Variants in COL28A1 observed in about 807,000 individuals in gnomAD.
COL28A1 encodes collagen alpha-1(XXVIII) chain.
In COL28A1, 161 loss-of-function variants were observed where a neutral mutation model predicts 150.2. The ratio of observed to expected loss-of-function variants is 1.07; its 90% CI spans 0.94 to 1.22. The LOEUF (loss-of-function observed/expected upper bound fraction) is 1.22. COL28A1 is among the 50% of genes most tolerant of loss of function. The probability of loss-of-function intolerance (pLI) is 0.00; values close to 1 mark genes in which losing one functional copy is unlikely to be tolerated. For synonymous variants in COL28A1, 552 were observed against 469.7 expected (o/e 1.18, Z -2.26); for missense variants, 1,617 against 1,388.3 (o/e 1.16, Z -2.62).
At chr7:7,541,056 T>G in the COL28A1 span, among the ~76,000 whole-genome samples, 1 of 152,212 alleles carries the variant, frequency 6.6e-6, no homozygotes, top group Non-Finnish European at 1.5e-5. Context: ...TTAAAATAAC[T>G]CTTCTAAATT....
At chr7:7,537,040 C>A (rs997601619), upstream of COL28A1, among the ~76,000 whole-genome samples, 6 of 152,136 alleles carry the variant, frequency 3.9e-5, no homozygotes, top group African/African-American at 1.4e-4. Context: ...ATCACTAAAC[C>A]TCTAAATACT....
chr7:7,443,442 G>C (rs1785972742), intron 20 of COL28A1, 143 bp downstream of exon 20: 1 of 1,257,934 alleles, frequency 7.9e-7, no homozygotes, highest in African/African-American at 1.6e-5. Context: ...TCTTCCAAAA[G>C]CTTCCAAGAC....
rs202139985 is a variant in COL28A1, at chr7:7,444,473, A to G, written c.1526T>C (p.Ile509Thr). The G allele has an allele frequency of 4.8e-5, 78 of 1,613,796 alleles. No individual in the cohort carries two copies. Among genetic ancestry groups the G allele is most frequent in the East Asian group, 2.2e-4 (10 of 44,876 alleles). ...TACTCCTGGTTGTCCTGGGAGCCCT[A>G]TTGAGCCTGGCTCTCCCTGGTGAAT... ...VQGPKGEPGS[I>T]GLPGQPGVPG... The change falls in exon 19 of 35, where the codon ATA becomes ACA. Residue 509 changes from isoleucine (I) to threonine (T), a missense_variant. By Grantham distance (89) the Ile-to-Thr change is moderately conservative (BLOSUM62 -1). Transcript: ENST00000399429.
At position 7,373,204 on chromosome 7, in the gene COL28A1, A is replaced by T. The variant is rs1781329053; in HGVS notation, c.2702T>A (p.Val901Asp). The change falls in exon 32 of 35, where the codon GTC becomes GAC. Residue 901 changes from valine (V) to aspartate (D), a missense_variant. Val to Asp is a radical substitution (Grantham distance 152). Transcript: ENST00000399429. This position sits in a 1 kb window ranked among gnomAD's most constrained non-coding sequence, Gnocchi z 4.1. The stretch of plus-strand genomic sequence containing the variant: ...AGAATCTGTCTGTCCATCAGTGATG[A>T]CCAAGGCCACTTTTTTTACACCTGG... ...ARPGVKKVAL[V>D]ITDGQTDSRD... 3.7e-6 allele frequency: 6 copies of T among 1,614,162 alleles called. No individual in the cohort carries two copies. The highest frequency in any genetic ancestry group is 5.1e-6 in the Non-Finnish European group (6 of 1,180,036).
rs996804403 is a variant in COL28A1, at chr7:7,373,916, G to C, written c.2360-370C>G. 1.3e-4 allele frequency among the ~76,000 whole-genome samples: 19 copies of C among 150,666 alleles called. No homozygotes were observed. Among genetic ancestry groups the C allele is most frequent in the Non-Finnish European group, 1.8e-4 (12 of 67,728 alleles). On this transcript the variant is annotated intron_variant, in intron 31 of 34. Transcript: ENST00000399429. This position sits in a 1 kb window ranked among gnomAD's most constrained non-coding sequence, Gnocchi z 4.1. ...GGGTTTCACCGTGTTAGCCAAGATG[G>C]TCTCGATCTCCTGACCTCGTGATAT...
chr7:7,354,183 G>A (rs1044503508), downstream of COL28A1, among the ~76,000 whole-genome samples: 1 of 151,990 alleles, frequency 6.6e-6, no homozygotes, highest in Non-Finnish European at 1.5e-5. Flanking sequence ...TTGTAGAGAT[G>A]GAGTTTTCCC....
At chr7:7,543,543 T>C in the COL28A1 span, among the ~76,000 whole-genome samples, 1 of 152,168 alleles carries the variant, frequency 6.6e-6, no homozygotes, top group South Asian at 2.1e-4. Flanking sequence ...AAAGTCCTAC[T>C]ATGTCAGATT....
At position 7,358,798 on chromosome 7, in the gene COL28A1, T is replaced by C. The variant is rs747136663; in HGVS notation, c.3213A>G (p.Arg1071=). The C allele has an allele frequency of 2.4e-5, 38 of 1,613,330 alleles. No individual in the cohort carries two copies. The highest frequency in any genetic ancestry group is 3.0e-5 in the Non-Finnish European group (35 of 1,179,668). ...STPVDGAEDP[R]CLEALKPGNC... is the part of the protein sequence containing the mutation. The stretch of plus-strand genomic sequence containing the variant: ...TTCCAGGCTTCAAGGCTTCCAAACA[T>C]CTAGGATCTAGAGTGAGAAAAGGAA... Residue 1071 remains arginine (R), a synonymous_variant, in exon 35 of 35, where the codon AGA becomes AGG. Transcript: ENST00000399429.
At chr7:7,428,908 T>A (rs1013575808) in intron 25 of COL28A1, among the ~76,000 whole-genome samples, 1 of 152,344 alleles carries the variant, frequency 6.6e-6, no homozygotes, top group Admixed American at 6.5e-5. Context: ...CCACTGATGT[T>A]GCAGGGAATT....
At chr7:7,352,908 T>C (rs548570878), downstream of COL28A1, among the ~76,000 whole-genome samples, 20 of 152,244 alleles carry the variant, frequency 1.3e-4, no homozygotes, top group African/African-American at 4.3e-4. Flanking sequence ...GTCCTTAGTG[T>C]TGGGAGTGAG....
intron 16 of COL28A1, among the ~76,000 whole-genome samples, chr7:7,454,459 A>G (rs1180184234): frequency 1.3e-5 from 2 of 152,196 alleles, no homozygotes; most frequent in African/African-American, 4.8e-5. Context: ...TCCAATAGAG[A>G]TCAGCTCTGT....
At chr7:7,511,866 TATTC>T (rs1781158685) in intron 8 of COL28A1, 1 of 467,760 alleles carries the variant, frequency 2.1e-6, no homozygotes, top group Non-Finnish European at 4.4e-6. Context: ...ACATTTGAGT[TATTC>T]TTTAGAGTTT....
intron 19 of COL28A1, 42 bp from the exon 20 acceptor site, chr7:7,443,695 G>C: frequency 6.2e-7 from 1 of 1,612,442 alleles, no homozygotes; most frequent in Non-Finnish European, 8.5e-7. Context: ...CCCTCCAGTA[G>C]ACAGACTGTA....
chr7:7,485,334 A>AT (rs967498731), intron 13 of COL28A1, among the ~76,000 whole-genome samples: 61 of 152,026 alleles, frequency 4.0e-4, no homozygotes, highest in African/African-American at 1.4e-3. Context: ...AGTTTTGAGA[A>AT]TTTTTTTTAA....
the COL28A1 span, among the ~76,000 whole-genome samples, chr7:7,542,190 A>C: frequency 1.3e-5 from 2 of 152,170 alleles, no homozygotes; most frequent in South Asian, 4.1e-4. Context: ...TCTACTAAAA[A>C]TACAAAAATT....
At chr7:7,402,867 TA>T (rs1337659391) in intron 27 of COL28A1, among the ~76,000 whole-genome samples, 2 of 152,196 alleles carry the variant, frequency 1.3e-5, no homozygotes, top group Non-Finnish European at 2.9e-5. Flanking sequence ...ATTTGTTGAA[TA>T]AATGCTCTGG....
At chr7:7,369,316 A>T (rs1308693094) in intron 33 of COL28A1, among the ~76,000 whole-genome samples, 1 of 152,254 alleles carries the variant, frequency 6.6e-6, no homozygotes, top group Non-Finnish European at 1.5e-5. Context: ...CTGTGGGCCA[A>T]ATCTGAGTCA....
At chr7:7,531,002 A>G (rs1203228940) in intron 3 of COL28A1, among the ~76,000 whole-genome samples, 1 of 152,184 alleles carries the variant, frequency 6.6e-6, no homozygotes, top group Admixed American at 6.5e-5. Flanking sequence ...TAACACCTCA[A>G]GTTGAGCACA....
chr7:7,463,199 C>T (rs912696317), intron 15 of COL28A1, among the ~76,000 whole-genome samples: 5 of 152,004 alleles, frequency 3.3e-5, no homozygotes, highest in African/African-American at 7.3e-5. Context: ...GGAGATTCAT[C>T]GCAAAAAAGA....
Sources: gnomAD v4.1 joint callset for allele counts (sites outside exome capture counted in the v4.1 genomes callset) on GRCh38, gnomAD v4.1.1 for gene constraint, Gnocchi (gnomAD v3.1) non-coding constraint, MANE v1.5 for transcripts, NCBI Gene and HGNC (gene_info 2026-07-23, HGNC 2026-07-21) for gene names.